BFSP2: variants seen among roughly 807,000 people sequenced by gnomAD.
The protein encoded by BFSP2 is phakinin.
BFSP2 carries 38 observed loss-of-function variants against 44.9 expected under a neutral mutation model. The observed-to-expected ratio is 0.85, with a 90% CI of 0.65 to 1.11. BFSP2 has a LOEUF of 1.11. Among genes scored for constraint, BFSP2 ranks in the 50% least tolerant of loss-of-function variants. BFSP2 has a pLI of 0.00. For synonymous variants in BFSP2, 197 were observed against 209.9 expected, an observed-to-expected ratio of 0.94 and a Z score of 0.53; for missense variants, 525 against 533.0, an observed-to-expected ratio of 0.99 and a Z score of 0.15.
chr3:133,431,865 G>A (rs1559967203), intron 1 of BFSP2, among the ~76,000 whole-genome samples: 1 of 151,956 alleles, frequency 6.6e-6, no homozygotes, highest in Admixed American at 6.6e-5. Context: ...ATCCCCACCT[G>A]CCCCGTTCCC....
intron 1 of BFSP2, among the ~76,000 whole-genome samples, chr3:133,402,468 A>C (rs1487432867): frequency 6.6e-6 from 1 of 152,174 alleles, no homozygotes; most frequent in East Asian, 1.9e-4. Context: ...ACAGCCACAC[A>C]CCAAGACATG....
At chr3:133,440,437 T>C (rs2073834190) in intron 1 of BFSP2, among the ~76,000 whole-genome samples, 1 of 152,130 alleles carries the variant, frequency 6.6e-6, no homozygotes, top group Admixed American at 6.5e-5. Flanking sequence ...CTGGAGAAAA[T>C]TAAGCCCTAA....
chr3:133,464,659 T>TAG (rs1192109588), intron 4 of BFSP2, among the ~76,000 whole-genome samples: 1 of 30,408 alleles, frequency 3.3e-5, no homozygotes, highest in East Asian at 1.0e-3. Flanking sequence ...TTGGAAAATA[T>TAG]ATAGTCAGTG....
chr3:133,410,310 T>C (rs145408181), intron 1 of BFSP2: 11,596 of 375,682 alleles, frequency 0.031, 296 homozygotes, highest in Non-Finnish European at 0.044. Context: ...AGTAGACCGG[T>C]GCAGGTGGCA....
chr3:133,424,615 T>C (rs1358826333), intron 1 of BFSP2, among the ~76,000 whole-genome samples: 1 of 152,032 alleles, frequency 6.6e-6, no homozygotes, highest in Non-Finnish European at 1.5e-5. Flanking sequence ...GGTTTGTTTG[T>C]TTTTTGTTTT....
At chr3:133,416,477 C>G (rs2073531149) in intron 1 of BFSP2, among the ~76,000 whole-genome samples, 1 of 148,258 alleles carries the variant, frequency 6.7e-6, no homozygotes, top group Non-Finnish European at 1.5e-5. Context: ...ATCTACTCAC[C>G]ACTCTACTCA....
chr3:133,414,097 TCCC>T (rs1176448982), intron 1 of BFSP2, among the ~76,000 whole-genome samples: 1 of 51,580 alleles, frequency 1.9e-5, no homozygotes, highest in Non-Finnish European at 3.6e-5. Flanking sequence ...ACCCCTCTAC[TCCC>T]CCCATCCTCT....
chr3:133,435,212 T>C (rs191448177), intron 1 of BFSP2, among the ~76,000 whole-genome samples: 12 of 152,378 alleles, frequency 7.9e-5, no homozygotes, highest in Non-Finnish European at 1.3e-4. Flanking sequence ...TTTGTCATGA[T>C]GGAGGACTCT....
intron 4 of BFSP2, among the ~76,000 whole-genome samples, chr3:133,464,944 A>G (rs745558300): frequency 7.9e-5 from 12 of 151,922 alleles, no homozygotes; most frequent in Admixed American, 2.0e-4. Flanking sequence ...TGTAAAGACC[A>G]AACAGTAAGA....
chr3:133,425,680 C>T (rs1031329472), intron 1 of BFSP2, among the ~76,000 whole-genome samples: 3 of 151,716 alleles, frequency 2.0e-5, no homozygotes, highest in Non-Finnish European at 2.9e-5. Flanking sequence ...AAGTCAGTTC[C>T]GTCTCTCTTT....
chr3:133,460,293 G>A (rs547010395), intron 4 of BFSP2, among the ~76,000 whole-genome samples: 1 of 152,288 alleles, frequency 6.6e-6, no homozygotes, highest in African/African-American at 2.4e-5. Context: ...TAGGTAATTT[G>A]CCCAAAATTA....
rs549921896 is a variant in BFSP2 at position 133,421,880 on chromosome 3, G to A, written c.489+21308G>A. 9.2e-5 allele frequency among the ~76,000 whole-genome samples: 14 copies of A among 152,176 alleles called. No individual in the cohort carries two copies. In the East Asian group the frequency reaches 1.4e-3, roughly 15 times the overall value. ...TCCCAGCACTTTGGGAGGCCAAGGC[G>A]GGTGGATCACAAGGTCAAGAGATCA... On this transcript the variant is annotated intron_variant, in intron 1 of 6. Coordinates refer to ENST00000302334, the MANE Select transcript of BFSP2 (RefSeq NM_003571.4).
chr3:133,443,059 T>C (rs1485039072), intron 1 of BFSP2, among the ~76,000 whole-genome samples: 1 of 151,960 alleles, frequency 6.6e-6, no homozygotes, highest in East Asian at 1.9e-4. Flanking sequence ...GGGGTTTCAC[T>C]ATGTTGGCCA....
At chr3:133,432,562 C>A (rs1352903459) in intron 1 of BFSP2, among the ~76,000 whole-genome samples, 1 of 152,114 alleles carries the variant, frequency 6.6e-6, no homozygotes, top group Non-Finnish European at 1.5e-5. Context: ...TGCTTCTCAC[C>A]TTATTCAATA....
At chr3:133,420,116 C>T (rs2073578952) in intron 1 of BFSP2, among the ~76,000 whole-genome samples, 1 of 152,238 alleles carries the variant, frequency 6.6e-6, no homozygotes, top group Non-Finnish European at 1.5e-5. Context: ...CCCCTGAGCA[C>T]ATACTCATAG....
intron 4 of BFSP2, among the ~76,000 whole-genome samples, chr3:133,452,205 T>C (rs2073971671): frequency 6.6e-6 from 1 of 152,222 alleles, no homozygotes; most frequent in African/African-American, 2.4e-5. Context: ...GAGAGGCTTT[T>C]CTGTCCTTTC....
chr3:133,430,959 C>CTTTT, intron 1 of BFSP2, among the ~76,000 whole-genome samples: 1 of 152,168 alleles, frequency 6.6e-6, no homozygotes, highest in Non-Finnish European at 1.5e-5. Flanking sequence ...GCAATTTACT[C>CTTTT]TTAAAAAGGT....
rs146208408 is a variant in BFSP2 at position 133,470,596 on chromosome 3, G to C, written c.1024-1749G>C. On this transcript the variant is annotated intron_variant, in intron 5 of 6. Coordinates refer to ENST00000302334, the MANE Select transcript of BFSP2 (RefSeq NM_003571.4). ...CAGGACATGGTGCATGGGAAGATGA[G>C]AAGAAAGAAGTTTCCAGTCTAATGG... is the stretch of plus-strand genomic sequence containing the variant. Among the ~76,000 whole-genome samples the C allele has an allele frequency of 5.9e-5, 9 of 152,324 alleles. No individual in the cohort carries two copies. The East Asian group carries it at 1.7e-3, about 29-fold the overall frequency.
chr3:133,450,733 C>T (rs1276085978), intron 4 of BFSP2, among the ~76,000 whole-genome samples: 1 of 152,148 alleles, frequency 6.6e-6, no homozygotes, highest in African/African-American at 2.4e-5. Flanking sequence ...TAGTGCACTG[C>T]CTTTGAATAA....
Sources: allele counts gnomAD v4.1 joint callset (sites outside exome capture counted in the v4.1 genomes callset), GRCh38; gene constraint gnomAD v4.1.1; transcripts MANE v1.5; gene names NCBI Gene and HGNC (gene_info 2026-07-23, HGNC 2026-07-21).